INO80: variants seen among roughly 807,000 people sequenced by gnomAD.
INO80 encodes chromatin-remodeling ATPase INO80.
In INO80, 20 loss-of-function variants were observed where a neutral mutation model predicts 203.4. The ratio of observed to expected loss-of-function variants is 0.10; its 90% CI spans 0.07 to 0.14. The LOEUF (loss-of-function observed/expected upper bound fraction) is 0.14. Ranked by LOEUF, INO80 falls within the 10% of genes least tolerant of loss-of-function variation. The pLI, the probability that INO80 is intolerant of heterozygous loss-of-function variation, is 1.00. For synonymous variants in INO80, 726 were observed against 685.2 expected, an observed-to-expected ratio of 1.06 and a Z score of -0.93; for missense variants, 1,419 against 1,914.4, an observed-to-expected ratio of 0.74 and a Z score of 4.83.
intron 27 of INO80, among the ~76,000 whole-genome samples, chr15:41,014,779 A>C (rs2044179497): frequency 6.6e-6 from 1 of 152,226 alleles, no homozygotes; most frequent in South Asian, 2.1e-4. Flanking sequence ...AATTCATTGC[A>C]AAATTCAACA....
At position 41,020,526 on chromosome 15, in the gene INO80, C is replaced by T. The variant is rs558947871; in HGVS notation, c.3274+374G>A. 2.2e-3 allele frequency among the ~76,000 whole-genome samples: 332 copies of T among 152,214 alleles called. 5 individuals are homozygous for T. Among genetic ancestry groups the T allele is most frequent in the African/African-American group, 7.8e-3 (326 of 41,536 alleles). ...TGCTTCATGTAGGACACTGTTTATG[C>T]TATTTAAATGAGGCTTTCTGTGAGT... is the stretch of plus-strand genomic sequence containing the variant. On this transcript the variant is annotated intron_variant, in intron 26 of 35. Transcript: ENST00000648947.
At chr15:41,064,686 T>C (rs1596304653) in intron 14 of INO80, among the ~76,000 whole-genome samples, 1 of 152,108 alleles carries the variant, frequency 6.6e-6, no homozygotes, top group Non-Finnish European at 1.5e-5. Flanking sequence ...CTAAGCTCCA[T>C]CTCAAGACAT....
intron 24 of INO80, among the ~76,000 whole-genome samples, chr15:41,036,725 TA>T (rs930069409): frequency 2.0e-5 from 3 of 152,140 alleles, no homozygotes; most frequent in African/African-American, 7.2e-5. Context: ...TATTTAACCT[TA>T]AAAGTGCCCA....
chr15:41,104,206 CAAAA>C (rs35510472), intron 1 of INO80, among the ~76,000 whole-genome samples: 5,978 of 41,074 alleles, frequency 0.15, 276 homozygotes, highest in African/African-American at 0.31. Context: ...AACTCCATCT[CAAAA>C]AAAAAAAAAA....
intron 24 of INO80, among the ~76,000 whole-genome samples, chr15:41,032,063 G>C (rs7172735): frequency 0.024 from 1,358 of 57,618 alleles, 66 homozygotes; most frequent in Middle Eastern, 0.038. Flanking sequence ...CACAGCACAG[G>C]ACAGCACAGG....
At chr15:41,046,148 GGTGTGTGTGTGTCTGTGT>G (rs1188883627) in intron 23 of INO80, among the ~76,000 whole-genome samples, 1 of 121,340 alleles carries the variant, frequency 8.2e-6, no homozygotes, top group Non-Finnish European at 1.8e-5. Flanking sequence ...ATATTTAAGG[GGTGTGTGTGTGTCTGTGT>G]GTGTGTGTGT....
chr15:41,007,264 C>T (rs2044059729), intron 27 of INO80, among the ~76,000 whole-genome samples: 1 of 149,394 alleles, frequency 6.7e-6, no homozygotes, highest in African/African-American at 2.5e-5. Flanking sequence ...TTCACTGCAA[C>T]CTCCTCCTCC....
chr15:41,016,226 G>A lies in INO80; in HGVS notation c.3275-11C>T. The A allele has an allele frequency of 6.2e-7, 1 of 1,612,418 alleles. No individual in the cohort carries two copies. The highest frequency in any genetic ancestry group is 8.5e-7 in the Non-Finnish European group (1 of 1,179,286). ...TGAGGCTCTCCTTGCCTGGGGAGAA[G>A]AAAAGGGGGTGAGGGGGAACTGTAT... On this transcript the variant is annotated splice_polypyrimidine_tract_variant and intron_variant, in intron 26 of 35. Coordinates refer to ENST00000648947, the MANE Select transcript of INO80 (RefSeq NM_017553.3).
chr15:41,110,317 G>A (rs1262719888), intron 1 of INO80, among the ~76,000 whole-genome samples: 1 of 150,894 alleles, frequency 6.6e-6, no homozygotes, highest in Non-Finnish European at 1.5e-5. Flanking sequence ...CCCAATTTTT[G>A]TGTTTTTAGT....
At chr15:41,055,136 G>A in intron 18 of INO80, 111 bp downstream of exon 18, 1 of 569,496 alleles carries the variant, frequency 1.8e-6, no homozygotes, top group Non-Finnish European at 3.0e-6. Flanking sequence ...CTTCCCCGCT[G>A]ATTTGTCTAT....
chr15:41,069,433 G>T, intron 14 of INO80, 137 bp downstream of exon 14: 1 of 528,212 alleles, frequency 1.9e-6, no homozygotes, highest in South Asian at 2.8e-5. Context: ...ACCTCCCAAA[G>T]TGCTGAGATT....
At chr15:41,097,338 G>A (rs900202879) in intron 1 of INO80, among the ~76,000 whole-genome samples, 2 of 150,518 alleles carry the variant, frequency 1.3e-5, no homozygotes, top group African/African-American at 2.4e-5. Flanking sequence ...GAGCCACCGC[G>A]CCCAGCCTTC....
intron 27 of INO80, among the ~76,000 whole-genome samples, chr15:41,009,130 C>T (rs1336991157): frequency 2.0e-5 from 3 of 152,148 alleles, no homozygotes; most frequent in South Asian, 4.1e-4. Flanking sequence ...CCACACCTGG[C>T]ATAACGTGCG....
intron 5 of INO80, among the ~76,000 whole-genome samples, chr15:41,090,719 A>G (rs779876175): frequency 6.6e-6 from 1 of 152,194 alleles, no homozygotes; most frequent in Non-Finnish European, 1.5e-5. Context: ...ATAGTAACAC[A>G]ACTATGAATA....
At chr15:41,022,505 G>A (rs1012592712) in intron 25 of INO80, among the ~76,000 whole-genome samples, 2 of 152,132 alleles carry the variant, frequency 1.3e-5, no homozygotes, top group African/African-American at 2.4e-5. Flanking sequence ...GCACCCCAGC[G>A]TCCCAAGTTG....
intron 26 of INO80, among the ~76,000 whole-genome samples, chr15:41,019,806 CAAAGTTAAAAT>C (rs2044262632): frequency 6.6e-6 from 1 of 152,182 alleles, no homozygotes; most frequent in African/African-American, 2.4e-5. Flanking sequence ...TGACACTTGA[CAAAGTTAAAAT>C]AAAGTGGAAA....
intron 25 of INO80, among the ~76,000 whole-genome samples, chr15:41,021,770 C>T (rs2044298514): frequency 6.6e-6 from 1 of 152,146 alleles, no homozygotes; most frequent in Non-Finnish European, 1.5e-5. Flanking sequence ...CCTGGCTTGG[C>T]CAAAGGCTAT....
intron 1 of INO80, among the ~76,000 whole-genome samples, chr15:41,104,018 C>T (rs1240729167): frequency 6.6e-6 from 1 of 151,550 alleles, no homozygotes; most frequent in Non-Finnish European, 1.5e-5. Flanking sequence ...GAGTTCGAGA[C>T]CAGCCATCTG....
chr15:40,999,020 A>ACACACACACACACAC (rs57822538), intron 28 of INO80, among the ~76,000 whole-genome samples: 4 of 151,496 alleles, frequency 2.6e-5, no homozygotes, highest in African/African-American at 7.3e-5. Context: ...ACACACACAC[A>ACACACACACACACAC]AATAAGGGCT....
Sources: allele counts gnomAD v4.1 joint callset (sites outside exome capture counted in the v4.1 genomes callset), GRCh38; gene constraint gnomAD v4.1.1; transcripts MANE v1.5; gene names NCBI Gene and HGNC (gene_info 2026-07-23, HGNC 2026-07-21).